Variants in NUP205 observed in about 807,000 individuals in gnomAD.
NUP205 encodes the protein nucleoporin 205, also known as nuclear pore complex protein Nup205.
In NUP205, 76 loss-of-function variants were observed where a neutral mutation model predicts 253.8. The observed-to-expected ratio is 0.30, with a 90% confidence interval of 0.25 to 0.36. The LOEUF is 0.36. NUP205 is among the 10% of genes least tolerant of loss of function. The pLI is 1.00. For synonymous variants in NUP205, 832 were observed against 850.1 expected (o/e 0.98, Z 0.37); for missense variants, 2,162 against 2,425.5 (o/e 0.89, Z 2.28).
chr7:135,631,360 A>C (rs966341873), intron 35 of NUP205, among the ~76,000 whole-genome samples: 1 of 152,216 alleles, frequency 6.6e-6, no homozygotes, highest in Non-Finnish European at 1.5e-5. Flanking sequence ...TTACTACTAG[A>C]GTATGTCACC....
At chr7:135,627,034 T>G (rs1055796304) in intron 33 of NUP205, among the ~76,000 whole-genome samples, 4 of 152,186 alleles carry the variant, frequency 2.6e-5, no homozygotes, top group Admixed American at 2.0e-4. Context: ...ATTTTAGTAT[T>G]GCGGTCTAAA....
chr7:135,621,012 A>C (rs1015817683), intron 30 of NUP205, among the ~76,000 whole-genome samples: 17 of 152,320 alleles, frequency 1.1e-4, no homozygotes, highest in African/African-American at 3.8e-4. Flanking sequence ...AGTTATTCAG[A>C]GTTATTCTGC....
chr7:135,643,441 C>T (rs1794951785), intron 39 of NUP205, 83 bp downstream of exon 39: 8 of 1,038,144 alleles, frequency 7.7e-6, no homozygotes, highest in Admixed American at 4.7e-5. Flanking sequence ...GTAAAGACAA[C>T]GTATACAGTA....
intron 12 of NUP205, among the ~76,000 whole-genome samples, chr7:135,593,608 C>A (rs909995358): frequency 6.6e-6 from 1 of 152,172 alleles, no homozygotes; most frequent in East Asian, 1.9e-4. Context: ...TCTGCCACTA[C>A]CAAATTGGTC....
intron 34 of NUP205, among the ~76,000 whole-genome samples, chr7:135,629,503 C>CTCTG (rs2129491959): frequency 1.0e-5 from 1 of 99,792 alleles, no homozygotes; most frequent in African/African-American, 3.6e-5. Flanking sequence ...CTCTCTCTCT[C>CTCTG]TCTCTCTGTC....
chr7:135,611,068 T>C (rs1166897890), intron 22 of NUP205, among the ~76,000 whole-genome samples: 1 of 150,056 alleles, frequency 6.7e-6, no homozygotes, highest in East Asian at 2.0e-4. Context: ...TGCAGTGGTG[T>C]GGTCTCGGCT....
At position 135,591,932 on chromosome 7, in the gene NUP205, G is replaced by GTA. The variant is rs1349171131; in HGVS notation, c.1624+334_1624+335dup. ...TTATAAGTTTGATTAATTTATCTTC[G>GTA]TATTTTTTTTTCTTAATTTCAGTAC... On this transcript the variant is annotated intron_variant, in intron 11 of 42. Coordinates refer to ENST00000285968, the MANE Select transcript of NUP205 (RefSeq NM_015135.3). Among the ~76,000 whole-genome samples, 58 of 151,872 alleles carry GTA rather than the reference G, an allele frequency of 3.8e-4. 1 individual carries two copies. Among genetic ancestry groups the GTA allele is most frequent in the African/African-American group, 1.3e-3 (55 of 41,316 alleles).
intron 41 of NUP205, chr7:135,645,865 TGGA>T (rs767552907): frequency 2.8e-5 from 16 of 575,404 alleles, no homozygotes; most frequent in Non-Finnish European, 4.3e-5. Flanking sequence ...TCTAGAAGAA[TGGA>T]GGAGGTCTGC....
intron 31 of NUP205, 31 bp downstream of exon 31, chr7:135,622,956 G>T: frequency 6.2e-7 from 1 of 1,602,324 alleles, no homozygotes; most frequent in South Asian, 1.1e-5. Flanking sequence ...TATTATAATT[G>T]AATAAGTATT....
rs1203400024 is a variant in NUP205, at chr7:135,590,022, T to G, written c.1474-1428T>G. 4.6e-5 allele frequency among the ~76,000 whole-genome samples: 7 copies of G among 151,338 alleles called. No individual in the cohort carries two copies. In the Admixed American group the frequency reaches 4.6e-4, roughly 10 times the overall value. ...TTGAAACATGTGGAAGAGGGAATTA[T>G]TATAAGGAATGCCCCACATTTTAAT... On this transcript the variant is annotated intron_variant, in intron 10 of 42. Coordinates refer to ENST00000285968, the MANE Select transcript of NUP205 (RefSeq NM_015135.3).
intron 23 of NUP205, among the ~76,000 whole-genome samples, chr7:135,614,805 C>T (rs932554457): frequency 6.6e-6 from 1 of 152,146 alleles, no homozygotes; most frequent in African/African-American, 2.4e-5. Context: ...TTTTGACCAA[C>T]TTTTAACAGT....
At chr7:135,577,731 A>T in intron 5 of NUP205, 65 bp from the exon 6 acceptor site, 5 of 1,212,682 alleles carry the variant, frequency 4.1e-6, no homozygotes, top group Non-Finnish European at 6.0e-6. Flanking sequence ...GGTAGTTTGT[A>T]CTTTGGAATA....
rs77081097 is a variant in NUP205 at position 135,641,162 on chromosome 7, C to T, written c.5393-2030C>T. Reference sequence around the variant, plus strand: ...ATACAAACCTGATAGCCTCTGAATGCGCAAATATTTTCTAGACTTGGGCAA... The same window carrying T: ...ATACAAACCTGATAGCCTCTGAATGTGCAAATATTTTCTAGACTTGGGCAA... On this transcript the variant is annotated intron_variant, in intron 38 of 42. Transcript: ENST00000285968. Among the ~76,000 whole-genome samples the T allele has an allele frequency of 5.6e-3, 854 of 152,268 alleles. 14 individuals carry two copies. The highest frequency in any genetic ancestry group is 0.051 in the East Asian group (265 of 5,184).
chr7:135,608,828 C>T (rs563435739), intron 22 of NUP205, among the ~76,000 whole-genome samples: 41 of 151,776 alleles, frequency 2.7e-4, no homozygotes, highest in African/African-American at 9.7e-4. Context: ...TGGCCGCGTG[C>T]AGTGACTCAC....
At chr7:135,630,902 G>A (rs1794698424) in intron 35 of NUP205, among the ~76,000 whole-genome samples, 1 of 151,780 alleles carries the variant, frequency 6.6e-6, no homozygotes, top group Non-Finnish European at 1.5e-5. Context: ...ATCCAGTCTG[G>A]GCAACAGAAC....
At chr7:135,645,713 A>C (rs1794994405) in intron 41 of NUP205, 117 bp downstream of exon 41, 1 of 960,990 alleles carries the variant, frequency 1.0e-6, no homozygotes, top group Non-Finnish European at 1.5e-6. Context: ...GGGTGAATCA[A>C]GAGCTGTTTA....
At chr7:135,573,525 C>A in intron 2 of NUP205, 129 bp from the exon 3 acceptor site, 1 of 593,262 alleles carries the variant, frequency 1.7e-6, no homozygotes, top group Non-Finnish European at 2.8e-6. Flanking sequence ...TCTAAATTAG[C>A]TGATAAGAAA....
intron 2 of NUP205, among the ~76,000 whole-genome samples, chr7:135,572,227 T>C (rs545644386): frequency 1.3e-5 from 2 of 152,336 alleles, no homozygotes; most frequent in South Asian, 4.1e-4. Flanking sequence ...TGTTTATTTC[T>C]AGCTAGGAGA....
rs1175758758 is a variant in NUP205 at position 135,597,386 on chromosome 7, A to T, written c.2032A>T (p.Ile678Phe). ...EYTQILQTVR[I>F]PSQRQAIGIE... ...TTTTAAGATACTGCAGACCGTGAGG[A>T]TTCCAAGCCAAAGGCAAGCTATTGG... The change falls in exon 14 of 43, where the codon ATT becomes TTT. Residue 678 changes from isoleucine to phenylalanine, a missense_variant. By Grantham distance (21) the Ile-to-Phe change is conservative. Transcript: ENST00000285968. 1.9e-6 allele frequency: 3 copies of T among 1,611,866 alleles called. No individual in the cohort carries two copies. In the African/African-American group the frequency reaches 4.0e-5, roughly 21 times the overall value.
Sources: allele counts gnomAD v4.1 joint callset (sites outside exome capture counted in the v4.1 genomes callset), GRCh38; gene constraint gnomAD v4.1.1; transcripts MANE v1.5; gene names NCBI Gene and HGNC (gene_info 2026-07-23, HGNC 2026-07-21).